KIAA2012: variants seen among roughly 807,000 people sequenced by gnomAD.
KIAA2012 encodes the protein KIAA2012, also known as uncharacterized protein KIAA2012.
In KIAA2012, 125 loss-of-function variants were observed where a neutral mutation model predicts 150.6. The observed-to-expected ratio is 0.83, with a 90% CI of 0.72 to 0.96. KIAA2012 has a LOEUF of 0.96. KIAA2012 is among the 40% of genes least tolerant of loss of function. The probability of loss-of-function intolerance (pLI) is 0.00; values close to 1 mark genes in which losing one functional copy is unlikely to be tolerated. For synonymous variants in KIAA2012, 462 were observed against 504.7 expected, an observed-to-expected ratio of 0.92 and a Z score of 1.13; for missense variants, 1,219 against 1,354.9, an observed-to-expected ratio of 0.90 and a Z score of 1.57.
intron 11 of KIAA2012, among the ~76,000 whole-genome samples, chr2:202,120,878 G>A (rs1156537572): frequency 6.6e-6 from 1 of 152,124 alleles, no homozygotes; most frequent in Admixed American, 6.5e-5. Context: ...AAGGAATAAT[G>A]GAAGAATGTG....
intron 12 of KIAA2012, among the ~76,000 whole-genome samples, chr2:202,135,039 G>C (rs891537945): frequency 6.6e-6 from 1 of 152,324 alleles, no homozygotes; most frequent in Non-Finnish European, 1.5e-5. Flanking sequence ...GGCAGAAGAG[G>C]CTTGGGATGA....
In KIAA2012 at chr2:202,154,673, G is replaced by C. The variant is rs1216673013; in HGVS notation, c.1909G>C (p.Gly637Arg). The part of the protein sequence containing the change: ...SPLTQTTEKQ[G>R]AQQSLEAAAQ... ...TCGGGCTTTCTGCTTCTCTTCACAG[G>C]GAGCCCAGCAGTCCTTGGAGGCAGC... Residue 637 changes from glycine (G) to arginine (R), a missense_variant and splice_region_variant, in exon 14 of 24, where the codon GGA becomes CGA. Coordinates refer to ENST00000498697, the MANE Select transcript of KIAA2012 (RefSeq NM_001277372.4). 13 of 1,531,710 alleles carry C rather than the reference G, an allele frequency of 8.5e-6. No individual in the cohort carries two copies. The Middle Eastern group carries it at 6.8e-4, about 80-fold the overall frequency. The allele number at this position is 1,531,710 out of a possible 1,614,324, so 94.9% of individuals were successfully genotyped here.
At chr2:202,146,743 G>A (rs906417229) in intron 13 of KIAA2012, among the ~76,000 whole-genome samples, 12 of 151,874 alleles carry the variant, frequency 7.9e-5, no homozygotes, top group Admixed American at 2.6e-4. Flanking sequence ...AGGCTGCAGT[G>A]AGCCATGGTC....
intron 22 of KIAA2012, 107 bp downstream of exon 22, chr2:202,197,126 A>AC (rs535660073): frequency 6.0e-5 from 90 of 1,497,164 alleles, no homozygotes; most frequent in Non-Finnish European, 8.1e-5. Context: ...AAGTCCCCCC[A>AC]CCCCCAGCAT....
At chr2:202,183,943 C>G (rs1029258408) in intron 15 of KIAA2012, among the ~76,000 whole-genome samples, 1 of 152,176 alleles carries the variant, frequency 6.6e-6, no homozygotes, top group Non-Finnish European at 1.5e-5. Context: ...TTCTAACACA[C>G]TATTCTGTAG....
In KIAA2012 at chr2:202,169,806, A is replaced by G. The variant is rs181120494; in HGVS notation, c.2119+4450A>G. 2.0e-5 allele frequency among the ~76,000 whole-genome samples: 3 copies of G among 152,322 alleles called. No homozygotes were observed. The East Asian group carries it at 5.8e-4, about 29-fold the overall frequency. ...ATTCATCGAGGAAACTGGGTTTCAG[A>G]TTCAAAAGACATGGATTCCTTTACC... On this transcript the variant is annotated intron_variant, in intron 15 of 23. Transcript: ENST00000498697.
chr2:202,089,390 T>A lies in KIAA2012; in HGVS notation c.370-1380T>A, dbSNP rs147567113. ...CCTGCTTCGAAACATCTTTATTTAT[T>A]GTTTTGACATCAAGCTGGTTCATGG... On this transcript the variant is annotated intron_variant, in intron 2 of 23. Transcript: ENST00000498697. 3.2e-4 allele frequency among the ~76,000 whole-genome samples: 49 copies of A among 152,362 alleles called. No homozygotes were observed. The East Asian group carries it at 8.7e-3, about 27-fold the overall frequency.
Position 202,189,599 on chromosome 2 carries a change from C to T in KIAA2012, c.2492-575C>T, listed in dbSNP as rs368307408. On this transcript the variant is annotated intron_variant, in intron 18 of 23. Coordinates refer to ENST00000498697, the MANE Select transcript of KIAA2012 (RefSeq NM_001277372.4). Reference sequence around the variant, plus strand: ...GCCACCACGCCCGGCTGAAATAGAACTTATTTAATAGCAAGACTGCTGAAT... The same window carrying T: ...GCCACCACGCCCGGCTGAAATAGAATTTATTTAATAGCAAGACTGCTGAAT... Among the ~76,000 whole-genome samples the T allele has an allele frequency of 8.4e-4, 128 of 151,938 alleles. 4 individuals carry two copies. The highest frequency in any genetic ancestry group is 2.6e-4 in the Admixed American group (4 of 15,224).
chr2:202,122,649 G>A (rs1009101989), intron 11 of KIAA2012, among the ~76,000 whole-genome samples: 6 of 151,916 alleles, frequency 3.9e-5, no homozygotes. Context: ...TACAGGTGGT[G>A]CACCACCACG....
At chr2:202,140,618 TATTAG>T (rs1441382837) in intron 13 of KIAA2012, among the ~76,000 whole-genome samples, 2 of 152,214 alleles carry the variant, frequency 1.3e-5, no homozygotes, top group East Asian at 3.8e-4. Flanking sequence ...AATGGCCTCT[TATTAG>T]ATTAATCACT....
intron 14 of KIAA2012, among the ~76,000 whole-genome samples, chr2:202,163,969 A>G (rs541138220): frequency 1.0e-3 from 152 of 152,224 alleles, no homozygotes; most frequent in African/African-American, 3.4e-3. Context: ...CCACCAAGTG[A>G]GGGAAGTCAG....
intron 19 of KIAA2012, among the ~76,000 whole-genome samples, chr2:202,192,855 A>G (rs1225848387): frequency 1.3e-5 from 2 of 152,164 alleles, no homozygotes; most frequent in Non-Finnish European, 1.5e-5. Flanking sequence ...GGCCCAAGCA[A>G]TCCTCCCACT....
intron 12 of KIAA2012, among the ~76,000 whole-genome samples, chr2:202,125,667 C>T (rs1418596003): frequency 6.6e-6 from 1 of 152,136 alleles, no homozygotes; most frequent in East Asian, 1.9e-4. Flanking sequence ...ACACCACAAG[C>T]TAGGAGCCGA....
At chr2:202,079,603 C>T (rs1359881553) in intron 2 of KIAA2012, among the ~76,000 whole-genome samples, 1 of 152,212 alleles carries the variant, frequency 6.6e-6, no homozygotes, top group Non-Finnish European at 1.5e-5. Context: ...CACCCTTGAA[C>T]TTTCTTGATG....
chr2:202,123,337 T>C (rs1398887898), intron 11 of KIAA2012, among the ~76,000 whole-genome samples: 1 of 152,190 alleles, frequency 6.6e-6, no homozygotes, highest in Non-Finnish European at 1.5e-5. Flanking sequence ...CATTATGCAA[T>C]TTATCTCTCT....
chr2:202,173,497 A>T (rs1054007369), intron 15 of KIAA2012, among the ~76,000 whole-genome samples: 1 of 152,140 alleles, frequency 6.6e-6, no homozygotes, highest in Non-Finnish European at 1.5e-5. Context: ...TGAACCCGGG[A>T]GGCAGAGGTT....
chr2:202,109,841 A>G, intron 10 of KIAA2012, 52 bp downstream of exon 10: 2 of 1,452,134 alleles, frequency 1.4e-6, no homozygotes, highest in Non-Finnish European at 1.8e-6. Flanking sequence ...AATGTGGCTC[A>G]TTGCCAGGGC....
intron 2 of KIAA2012, among the ~76,000 whole-genome samples, chr2:202,075,494 C>A (rs1373908491): frequency 6.6e-6 from 1 of 152,214 alleles, no homozygotes; most frequent in African/African-American, 2.4e-5. Context: ...GGCCAGCAGA[C>A]GTTTCATCAG....
intron 8 of KIAA2012, 147 bp from the exon 9 acceptor site, chr2:202,105,614 C>A: frequency 8.9e-7 from 1 of 1,123,638 alleles, no homozygotes; most frequent in Non-Finnish European, 1.2e-6. Flanking sequence ...GGCTTCAGTT[C>A]CATAGCCCTC....
Sources: allele counts gnomAD v4.1 joint callset (sites outside exome capture counted in the v4.1 genomes callset), GRCh38; gene constraint gnomAD v4.1.1; transcripts MANE v1.5; gene names NCBI Gene and HGNC (gene_info 2026-07-23, HGNC 2026-07-21).